Variants in USP14 observed in about 807,000 individuals in gnomAD.
The protein encoded by USP14 is ubiquitin specific peptidase 14.
In USP14, 38 loss-of-function variants were observed where a neutral mutation model predicts 76.5. The observed-to-expected ratio is 0.50, with a 90% CI of 0.38 to 0.65. USP14 has a LOEUF of 0.65. Ranked by LOEUF, USP14 falls within the 30% of genes least tolerant of loss-of-function variation. USP14 has a pLI of 0.00. For missense variants in USP14, 467 were observed against 586.5 expected (o/e 0.80, Z 2.10); for synonymous variants, 192 against 191.7 (o/e 1.00, Z -0.01).
Position 176,386 on chromosome 18 carries a change from C to G in USP14, c.196-2547C>G, listed in dbSNP as rs186209493. Among the ~76,000 whole-genome samples, 298 of 152,274 alleles carry G rather than the reference C, an allele frequency of 2.0e-3. 3 individuals are homozygous for G. The highest frequency in any genetic ancestry group is 6.6e-3 in the African/African-American group (276 of 41,570). ...GAGGCTGACCTTGAGCACCTAGGCT[C>G]AAGCAGTACTCCCACCTTAGCCTTC... is the stretch of plus-strand genomic sequence containing the variant. On this transcript the variant is annotated intron_variant, in intron 3 of 15. Transcript: ENST00000261601.
chr18:192,806 G>A (rs748639162), intron 5 of USP14, 36 bp from the exon 6 acceptor site: 12 of 1,603,434 alleles, frequency 7.5e-6, no homozygotes, highest in South Asian at 5.6e-5. Flanking sequence ...AGAATGAATT[G>A]AATTCTATTG....
In USP14 at chr18:179,049, C is replaced by T. The variant is rs764656091; in HGVS notation, c.300+12C>T. On this transcript the variant is annotated intron_variant, in intron 4 of 15. Transcript: ENST00000261601. ...AGTTAGCATCTGCTGTAAGACACAC[C>T]AGATTTTATGTGTTTGATCACTACT... 6.4e-6 allele frequency: 10 copies of T among 1,569,800 alleles called. No individual in the cohort carries two copies. The highest frequency in any genetic ancestry group is 8.7e-6 in the Non-Finnish European group (10 of 1,155,598).
chr18:177,704 A>G (rs187255461), intron 3 of USP14, among the ~76,000 whole-genome samples: 14 of 150,794 alleles, frequency 9.3e-5, no homozygotes, highest in Non-Finnish European at 1.6e-4. Context: ...ATGCCTTCCA[A>G]TTAAGATACT....
chr18:180,940 G>A (rs1453641498), intron 5 of USP14, among the ~76,000 whole-genome samples: 3 of 149,528 alleles, frequency 2.0e-5, no homozygotes, highest in African/African-American at 7.4e-5. Flanking sequence ...TACAGCACAC[G>A]TAACACCTCA....
Position 214,618 on chromosome 18 carries a change from AAAAG to A in USP14, c.*3337_*3340del, listed in dbSNP as rs1469786886. ...TCACAGTTTTAATAAAAAGAAAAAAAAAAGAAGCTAACTATTTGTCTCATTGTCA... is the reference window on the plus strand; with the variant it reads ...TCACAGTTTTAATAAAAAGAAAAAAAAAGCTAACTATTTGTCTCATTGTCA... On this transcript the variant is annotated 3_prime_UTR_variant, in exon 16 of 16. Transcript: ENST00000261601. 1 of 1,584,508 alleles carries A rather than the reference AAAAG, an allele frequency of 6.3e-7. No homozygotes were observed. The highest frequency in any genetic ancestry group is 1.8e-5 in the Admixed American group (1 of 54,128).
At chr18:163,195 A>G in intron 1 of USP14, 113 bp from the exon 2 acceptor site, 1 of 963,908 alleles carries the variant, frequency 1.0e-6, no homozygotes. Context: ...TGGGCATAGA[A>G]AGATGAATGA....
chr18:169,162 T>G (rs1408124927), intron 3 of USP14, among the ~76,000 whole-genome samples: 1 of 151,440 alleles, frequency 6.6e-6, no homozygotes, highest in Non-Finnish European at 1.5e-5. Context: ...AGGCCAAGGA[T>G]GGTGGATCAC....
intron 5 of USP14, among the ~76,000 whole-genome samples, chr18:182,640 T>C (rs1306074119): frequency 6.6e-6 from 1 of 152,146 alleles, no homozygotes; most frequent in Non-Finnish European, 1.5e-5. Context: ...ACTGCTTTGA[T>C]GGGAAATGTA....
chr18:164,183 T>C (rs1206371492), intron 2 of USP14, among the ~76,000 whole-genome samples: 2 of 152,248 alleles, frequency 1.3e-5, no homozygotes, highest in Non-Finnish European at 2.9e-5. Context: ...GTATTAGTTT[T>C]ATTTTGTTTA....
rs118018519 is a variant in USP14 at position 191,386 on chromosome 18, A to G, written c.405-1456A>G. Among the ~76,000 whole-genome samples, 1,041 of 152,330 alleles carry G rather than the reference A, an allele frequency of 6.8e-3. 14 individuals carry two copies. The highest frequency in any genetic ancestry group is 0.037 in the South Asian group (177 of 4,828). ...TACTCTCTGTGATTTCTTTCATACT[A>G]CTTAACATAAGCATAGAGGTTTTGC... is the stretch of plus-strand genomic sequence containing the variant. On this transcript the variant is annotated intron_variant, in intron 5 of 15. Transcript: ENST00000261601.
At chr18:170,602 T>C (rs1276559431) in intron 3 of USP14, among the ~76,000 whole-genome samples, 2 of 152,170 alleles carry the variant, frequency 1.3e-5, no homozygotes, top group Non-Finnish European at 2.9e-5. Context: ...ATTGCTGATA[T>C]GGAGTAAGTT....
Position 196,697 on chromosome 18 carries a change from T to C in USP14, c.524T>C (p.Leu175Pro). 1 of 1,614,142 alleles carries C rather than the reference T, an allele frequency of 6.2e-7. No individual in the cohort carries two copies. The highest frequency in any genetic ancestry group is 8.5e-7 in the Non-Finnish European group (1 of 1,179,988). Reference sequence around the variant, plus strand: ...TCTTCCAGTATTCCACCTATTATTCTACTGCAGTTTTTGCACATGGCTTTC... The same window carrying C: ...TCTTCCAGTATTCCACCTATTATTCCACTGCAGTTTTTGCACATGGCTTTC... ...KTSSSIPPII[L>P]LQFLHMAFPQ... Residue 175 changes from leucine (L) to proline (P), a missense_variant, in exon 7 of 16, where the codon CTA becomes CCA. Coordinates refer to ENST00000261601, the MANE Select transcript of USP14 (RefSeq NM_005151.4).
intron 10 of USP14, among the ~76,000 whole-genome samples, chr18:201,335 C>G (rs772414124): frequency 6.6e-6 from 1 of 152,278 alleles, no homozygotes; most frequent in Non-Finnish European, 1.5e-5. Flanking sequence ...AATAGGTCCT[C>G]TGTGCAGAGG....
rs1614227 is a variant in USP14, at chr18:180,227, T to C, written c.301-9T>C. Reference sequence around the variant, plus strand: ...GATTTAATCCTTTTTTTTTTTTTTTTCCAACTAGATGGAGTTACCATGTGG... The same window carrying C: ...GATTTAATCCTTTTTTTTTTTTTTTCCCAACTAGATGGAGTTACCATGTGG... On this transcript the variant is annotated splice_polypyrimidine_tract_variant and intron_variant, in intron 4 of 15. Coordinates refer to ENST00000261601, the MANE Select transcript of USP14 (RefSeq NM_005151.4). 8.1e-5 allele frequency: 113 copies of C among 1,393,810 alleles called. No individual in the cohort carries two copies. The Admixed American group carries it at 1.2e-3, about 15-fold the overall frequency. 86.3% of individuals were successfully genotyped at this position (1,393,810 alleles called of 1,614,324 possible). A position where few individuals can be genotyped will look rare whatever the true frequency, so the allele number is the denominator to read the frequency against.
intron 1 of USP14, among the ~76,000 whole-genome samples, chr18:161,787 CAA>C (rs1395342455): frequency 3.3e-5 from 5 of 152,106 alleles, no homozygotes; most frequent in Admixed American, 6.5e-5. Context: ...TCAGTGGAAA[CAA>C]TATATATCCT....
chr18:162,802 C>CTTTTTTT (rs562971458), intron 1 of USP14, among the ~76,000 whole-genome samples: 1 of 144,940 alleles, frequency 6.9e-6, no homozygotes. Context: ...GTCTCAGTTT[C>CTTTTTTT]TTTTTTTTTT....
At chr18:181,409 AT>A (rs1450001091) in intron 5 of USP14, among the ~76,000 whole-genome samples, 1 of 151,696 alleles carries the variant, frequency 6.6e-6, no homozygotes, top group African/African-American at 2.4e-5. Context: ...TGTCATGCAC[AT>A]TTTTTTTAGT....
At chr18:196,868 T>A (rs1910251619) in intron 7 of USP14, 101 bp downstream of exon 7, 1 of 1,420,184 alleles carries the variant, frequency 7.0e-7, no homozygotes, top group Non-Finnish European at 9.7e-7. Context: ...AACATCAGTC[T>A]TCTCTAGTTC....
At chr18:158,975 C>T (rs1053101472) in intron 1 of USP14, 2 of 415,476 alleles carry the variant, frequency 4.8e-6, no homozygotes, top group African/African-American at 2.1e-5. Flanking sequence ...AGTCGTGACT[C>T]TGCAGAATAG....
Sources: gnomAD v4.1 joint callset for allele counts (sites outside exome capture counted in the v4.1 genomes callset) on GRCh38, gnomAD v4.1.1 for gene constraint, MANE v1.5 for transcripts, NCBI Gene and HGNC (gene_info 2026-07-23, HGNC 2026-07-21) for gene names.